LYN: variants seen among roughly 807,000 people sequenced by gnomAD.
LYN encodes LYN proto-oncogene, Src family tyrosine kinase, also known as tyrosine-protein kinase Lyn.
A neutral mutation model predicts 65.0 loss-of-function variants in LYN; 12 were observed. The observed-to-expected ratio is 0.18, with a 90% CI of 0.12 to 0.30. The LOEUF (loss-of-function observed/expected upper bound fraction) is 0.30. Ranked by LOEUF, LYN falls within the 10% of genes least tolerant of loss-of-function variation. The pLI, the probability that LYN is intolerant of heterozygous loss-of-function variation, is 1.00. For synonymous variants in LYN, 222 were observed against 221.2 expected, an observed-to-expected ratio of 1.00 and a Z score of -0.03; for missense variants, 380 against 623.2, an observed-to-expected ratio of 0.61 and a Z score of 4.16.
intron 1 of LYN, among the ~76,000 whole-genome samples, chr8:55,892,688 A>C (rs561496441): frequency 6.6e-6 from 1 of 152,122 alleles, no homozygotes; most frequent in Non-Finnish European, 1.5e-5. Flanking sequence ...GATTACGAGC[A>C]TGAGCCATTG....
At chr8:55,890,117 C>CAAAAAAAAAAAAAAAAAAAAAGAAA (rs1804912605) in intron 1 of LYN, among the ~76,000 whole-genome samples, 1 of 79,090 alleles carries the variant, frequency 1.3e-5, no homozygotes, top group Non-Finnish European at 2.2e-5. Flanking sequence ...CCTCTATAGA[C>CAAAAAAAAAAAAAAAAAAAAAGAAA]AAAAAAAAAA....
intron 1 of LYN, among the ~76,000 whole-genome samples, chr8:55,898,748 C>A (rs953754709): frequency 5.9e-5 from 9 of 152,098 alleles, no homozygotes; most frequent in Admixed American, 5.2e-4. Context: ...ATCCTTTAGC[C>A]CTCACTACTC....
At chr8:55,998,046 T>C (rs1808424831) in intron 10 of LYN, among the ~76,000 whole-genome samples, 1 of 151,370 alleles carries the variant, frequency 6.6e-6, no homozygotes, top group Non-Finnish European at 1.5e-5. Context: ...ATAGCGCCAC[T>C]GCACTCCGGC....
At chr8:55,946,099 TAG>T (rs1374976219) in intron 2 of LYN, among the ~76,000 whole-genome samples, 1 of 152,190 alleles carries the variant, frequency 6.6e-6, no homozygotes, top group Non-Finnish European at 1.5e-5. Context: ...TGCCCGGGGC[TAG>T]AGAGTTTGGA....
Position 56,010,399 on chromosome 8 carries a change from C to CCTG in LYN, c.*289_*290insCTG. 2.4e-6 allele frequency: 1 copy of CCTG among 416,710 alleles called. No homozygotes were observed. Among genetic ancestry groups the CCTG allele is most frequent in the South Asian group, 2.7e-5 (1 of 37,628 alleles). 25.8% of individuals were successfully genotyped at this position (416,710 alleles called of 1,614,324 possible). On this transcript the variant is annotated 3_prime_UTR_variant, in exon 13 of 13. Transcript: ENST00000519728. ...GCCGTTTGAGAAGAAAACATCTATT[C>CCTG]TCTCCAAAAATGCACCCAACTAGCT... is the stretch of plus-strand genomic sequence containing the variant.
At chr8:55,977,403 G>A (rs1325376419) in intron 10 of LYN, among the ~76,000 whole-genome samples, 1 of 152,158 alleles carries the variant, frequency 6.6e-6, no homozygotes, top group African/African-American at 2.4e-5. Flanking sequence ...ACTGTAATAT[G>A]TATTCATGTT....
chr8:55,946,641 T>G (rs1440924620), intron 3 of LYN, 148 bp downstream of exon 3: 1 of 624,012 alleles, frequency 1.6e-6, no homozygotes, highest in Non-Finnish European at 2.9e-6. Flanking sequence ...TAAGTATACA[T>G]TTCAGCAGCA....
intron 11 of LYN, among the ~76,000 whole-genome samples, chr8:55,999,064 AG>A (rs1244891580): frequency 6.6e-6 from 1 of 152,314 alleles, no homozygotes; most frequent in Non-Finnish European, 1.5e-5. Flanking sequence ...TCGGGACTGC[AG>A]GGCCTTTCTT....
chr8:55,954,109 G>T, intron 8 of LYN, 125 bp downstream of exon 8: 1 of 1,087,786 alleles, frequency 9.2e-7, no homozygotes, highest in Non-Finnish European at 1.3e-6. Flanking sequence ...CATTTATTTT[G>T]TTTTCCTCTG....
At chr8:56,007,340 A>G (rs1808700893) in intron 12 of LYN, among the ~76,000 whole-genome samples, 2 of 152,256 alleles carry the variant, frequency 1.3e-5, no homozygotes, top group Admixed American at 6.5e-5. Context: ...TGCTGAGGCC[A>G]TATCATTTTG....
chr8:55,993,138 C>A (rs564947573), intron 10 of LYN, among the ~76,000 whole-genome samples: 3 of 152,152 alleles, frequency 2.0e-5, no homozygotes, highest in Admixed American at 1.3e-4. Flanking sequence ...TTTAATTTCT[C>A]CTGTTAAGGA....
intron 1 of LYN, among the ~76,000 whole-genome samples, chr8:55,886,241 C>CTTTT (rs34839284): frequency 7.5e-6 from 1 of 133,452 alleles, no homozygotes; most frequent in Non-Finnish European, 1.6e-5. Context: ...TGTCAAACAT[C>CTTTT]TTTTTTTTTT....
chr8:55,988,300 G>A (rs1294282714), intron 10 of LYN, among the ~76,000 whole-genome samples: 1 of 151,388 alleles, frequency 6.6e-6, no homozygotes, highest in East Asian at 1.9e-4. Flanking sequence ...TGGTGTGTGT[G>A]TGTGTGTGTG....
intron 10 of LYN, among the ~76,000 whole-genome samples, chr8:55,971,083 C>T (rs1443934909): frequency 6.6e-6 from 1 of 152,180 alleles, no homozygotes; most frequent in East Asian, 1.9e-4. Context: ...TCTCCACCTC[C>T]GGGACTTGGC....
chr8:55,931,747 G>A (rs1213138488), intron 1 of LYN, among the ~76,000 whole-genome samples: 1 of 151,982 alleles, frequency 6.6e-6, no homozygotes, highest in Non-Finnish European at 1.5e-5. Flanking sequence ...GAAGTATCAT[G>A]TTCTAGATCA....
chr8:55,950,847 C>A, intron 6 of LYN, 63 bp downstream of exon 6: 1 of 1,202,458 alleles, frequency 8.3e-7, no homozygotes, highest in Non-Finnish European at 1.2e-6. Flanking sequence ...AGAAACTATT[C>A]TAGAGCTACT....
intron 1 of LYN, among the ~76,000 whole-genome samples, chr8:55,889,466 G>A (rs1257739345): frequency 6.6e-6 from 1 of 152,150 alleles, no homozygotes; most frequent in East Asian, 1.9e-4. Flanking sequence ...GCCTCCCAAA[G>A]TGCTGTGCTG....
intron 1 of LYN, among the ~76,000 whole-genome samples, chr8:55,936,128 A>G (rs1806428756): frequency 6.6e-6 from 1 of 152,002 alleles, no homozygotes; most frequent in Middle Eastern, 3.2e-3. Flanking sequence ...TGTAGGGAAC[A>G]TACTTTTAGG....
intron 1 of LYN, among the ~76,000 whole-genome samples, chr8:55,935,548 T>C (rs1161546952): frequency 6.6e-6 from 1 of 151,568 alleles, no homozygotes; most frequent in African/African-American, 2.4e-5. Flanking sequence ...CCGAGGCGGG[T>C]GTATCACCTG....
Sources: gnomAD v4.1 joint callset for allele counts (sites outside exome capture counted in the v4.1 genomes callset) on GRCh38, gnomAD v4.1.1 for gene constraint, MANE v1.5 for transcripts, NCBI Gene and HGNC (gene_info 2026-07-23, HGNC 2026-07-21) for gene names.